The following AMBRA1 variants were observed in gnomAD, a reference collection of about 807,000 sequenced individuals.
AMBRA1 encodes activating molecule in BECN1-regulated autophagy protein 1.
A neutral mutation model predicts 125.4 loss-of-function variants in AMBRA1; 47 were observed. That is an observed-to-expected ratio of 0.37 (90% CI 0.30 to 0.48). The LOEUF (loss-of-function observed/expected upper bound fraction) is 0.48, where lower values mean the gene tolerates loss of function less well. Ranked by LOEUF, AMBRA1 falls within the 20% of genes least tolerant of loss-of-function variation. The pLI, the probability that AMBRA1 is intolerant of heterozygous loss-of-function variation, is 0.99. For synonymous variants in AMBRA1, 626 were observed against 655.5 expected (o/e 0.95, Z 0.69); for missense variants, 1,331 against 1,693.4 (o/e 0.79, Z 3.76).
Position 46,545,675 on chromosome 11 carries a change from G to T in AMBRA1, c.480C>A (p.Ile160=), listed in dbSNP as rs190476058. The T allele has an allele frequency of 1.5e-5, 24 of 1,614,190 alleles. No individual in the cohort carries two copies. The Admixed American group carries it at 2.7e-4, about 18-fold the overall frequency. The part of the protein sequence containing the change: ...QLLLIATANE[I]HFWDWSRREP... Reference sequence around the variant, plus strand: ...CCCGTCGACTCCAGTCCCAGAAGTGGATCTCATTGGCAGTGGCAATCAGCA... The same window carrying T: ...CCCGTCGACTCCAGTCCCAGAAGTGTATCTCATTGGCAGTGGCAATCAGCA... The change falls in exon 5 of 18, where the codon ATC becomes ATA. Residue 160 remains isoleucine, a synonymous_variant. Transcript: ENST00000683756.
At chr11:46,492,185 T>C (rs963864108) in intron 11 of AMBRA1, among the ~76,000 whole-genome samples, 2 of 152,206 alleles carry the variant, frequency 1.3e-5, no homozygotes, top group African/African-American at 2.4e-5. Context: ...TGTCAGGAGA[T>C]TGTGGTATAG....
chr11:46,526,237 A>T (rs1951964944), intron 7 of AMBRA1, among the ~76,000 whole-genome samples: 1 of 151,946 alleles, frequency 6.6e-6, no homozygotes, highest in African/African-American at 2.4e-5. Flanking sequence ...AATAATAAAT[A>T]AAATAAAATA....
intron 11 of AMBRA1, among the ~76,000 whole-genome samples, chr11:46,452,955 G>A (rs1239821708): frequency 6.6e-6 from 1 of 152,150 alleles, no homozygotes; most frequent in Non-Finnish European, 1.5e-5. Flanking sequence ...CTATTTTAAA[G>A]TATACAATTC....
rs114012541 is a variant in AMBRA1 at position 46,434,505 on chromosome 11, T to C, written c.2821+344A>G. On this transcript the variant is annotated intron_variant, in intron 13 of 17. Transcript: ENST00000683756. ...GTATGTAAATCTTTGTATAGTTTTC[T>C]GATTATTTCCTTAAAAGCTGGATTG... 6.4e-3 allele frequency among the ~76,000 whole-genome samples: 979 copies of C among 152,270 alleles called. 9 individuals carry two copies. The highest frequency in any genetic ancestry group is 0.023 in the African/African-American group (947 of 41,548).
chr11:46,591,786 G>A (rs1347550151), intron 1 of AMBRA1, among the ~76,000 whole-genome samples: 1 of 151,382 alleles, frequency 6.6e-6, no homozygotes, highest in Non-Finnish European at 1.5e-5. Flanking sequence ...CCTGGGAGGC[G>A]GAGAAGTTTG....
intron 15 of AMBRA1, among the ~76,000 whole-genome samples, chr11:46,415,055 C>G (rs1050839603): frequency 3.9e-5 from 6 of 152,166 alleles, no homozygotes; most frequent in African/African-American, 1.4e-4. Context: ...CCACCTGTTT[C>G]GGAGGGAGGG....
At chr11:46,479,805 ACAT>A (rs1480372174) in intron 11 of AMBRA1, among the ~76,000 whole-genome samples, 27 of 152,196 alleles carry the variant, frequency 1.8e-4, no homozygotes, top group Non-Finnish European at 1.3e-4. Flanking sequence ...AATGCCAGAT[ACAT>A]GTGTGAAACT....
At chr11:46,544,704 C>T (rs1297309161) in intron 5 of AMBRA1, among the ~76,000 whole-genome samples, 1 of 152,182 alleles carries the variant, frequency 6.6e-6, no homozygotes, top group Non-Finnish European at 1.5e-5. Context: ...AAACAGTTAG[C>T]TTTGAAACTA....
chr11:46,568,247 C>A (rs1475049846), intron 1 of AMBRA1, among the ~76,000 whole-genome samples: 1 of 152,088 alleles, frequency 6.6e-6, no homozygotes, highest in Non-Finnish European at 1.5e-5. Flanking sequence ...CTCCTGAGGT[C>A]AAGAGTGCAA....
At chr11:46,547,475 G>T in intron 3 of AMBRA1, 179 bp from the exon 4 acceptor site, 2 of 624,564 alleles carry the variant, frequency 3.2e-6, no homozygotes, top group Non-Finnish European at 5.3e-6. Context: ...AAAAGCTTTT[G>T]GCTTGTCCAC....
At chr11:46,475,033 G>C (rs1949761947) in intron 11 of AMBRA1, among the ~76,000 whole-genome samples, 1 of 151,384 alleles carries the variant, frequency 6.6e-6, no homozygotes, top group Non-Finnish European at 1.5e-5. Flanking sequence ...GGAGATGAGA[G>C]GAGAAAATGA....
chr11:46,467,581 C>T (rs1442109912), intron 11 of AMBRA1, among the ~76,000 whole-genome samples: 1 of 146,830 alleles, frequency 6.8e-6, no homozygotes, highest in Non-Finnish European at 1.5e-5. Flanking sequence ...TGGAGTCTCA[C>T]TCTGTTGCCC....
At chr11:46,411,099 C>CAAAAAAAAAAAAAA (rs59903160) in intron 15 of AMBRA1, among the ~76,000 whole-genome samples, 1 of 60,190 alleles carries the variant, frequency 1.7e-5, no homozygotes, top group Admixed American at 1.9e-4. Context: ...GACTCTGTCT[C>CAAAAAAAAAAAAAA]AAAAAAAAAA....
intron 11 of AMBRA1, among the ~76,000 whole-genome samples, chr11:46,462,697 T>G (rs1949147088): frequency 6.6e-6 from 1 of 152,064 alleles, no homozygotes; most frequent in Non-Finnish European, 1.5e-5. Context: ...CAATGTTTAC[T>G]AAAATCCCCT....
intron 1 of AMBRA1, among the ~76,000 whole-genome samples, chr11:46,551,633 G>A (rs2043000653): frequency 6.6e-6 from 1 of 152,216 alleles, no homozygotes; most frequent in Non-Finnish European, 1.5e-5. Flanking sequence ...AACTTTGGGA[G>A]GCCAAGGTGG....
intron 11 of AMBRA1, among the ~76,000 whole-genome samples, chr11:46,482,405 G>A (rs919154089): frequency 1.2e-4 from 19 of 152,368 alleles, no homozygotes; most frequent in Admixed American, 3.3e-4. Flanking sequence ...GTAAAAGACT[G>A]TTGTGAACAC....
intron 14 of AMBRA1, among the ~76,000 whole-genome samples, chr11:46,423,876 G>C (rs1946984615): frequency 6.7e-6 from 1 of 148,760 alleles, no homozygotes. Flanking sequence ...CGATTCTCCT[G>C]ACTCAGCCTC....
intron 11 of AMBRA1, among the ~76,000 whole-genome samples, chr11:46,459,509 G>A (rs1049725986): frequency 1.4e-4 from 21 of 152,034 alleles, no homozygotes; most frequent in African/African-American, 4.8e-4. Context: ...TCAGGAGTTC[G>A]AGACCAGCCT....
intron 11 of AMBRA1, among the ~76,000 whole-genome samples, chr11:46,460,162 A>G (rs907368889): frequency 6.6e-6 from 1 of 152,236 alleles, no homozygotes; most frequent in Non-Finnish European, 1.5e-5. Context: ...TTAAATGTTC[A>G]TCAATCGGGA....
Sources: gnomAD v4.1 joint callset for allele counts (sites outside exome capture counted in the v4.1 genomes callset) on GRCh38, gnomAD v4.1.1 for gene constraint, MANE v1.5 for transcripts, NCBI Gene and HGNC (gene_info 2026-07-23, HGNC 2026-07-21) for gene names.